Variants in PLEKHM3 observed in about 807,000 individuals in gnomAD.
The protein encoded by PLEKHM3 is pleckstrin homology domain containing M3, also known as pleckstrin homology domain-containing family M member 3.
PLEKHM3 carries 45 observed loss-of-function variants against 81.8 expected under a neutral mutation model. The ratio of observed to expected loss-of-function variants is 0.55; its 90% CI spans 0.43 to 0.71. PLEKHM3 has a LOEUF of 0.71. Ranked by LOEUF, PLEKHM3 falls within the 30% of genes least tolerant of loss-of-function variation. The pLI is 0.00. For missense variants in PLEKHM3, 788 were observed against 924.3 expected (o/e 0.85, Z 1.91); for synonymous variants, 352 against 356.4 (o/e 0.99, Z 0.14).
chr2:207,873,618 T>C (rs1276009739), intron 6 of PLEKHM3, among the ~76,000 whole-genome samples: 1 of 152,200 alleles, frequency 6.6e-6, no homozygotes, highest in African/African-American at 2.4e-5. Context: ...TCACCAGCTT[T>C]TTGTTCCCCT....
At chr2:207,899,482 T>C (rs557568731) in intron 6 of PLEKHM3, among the ~76,000 whole-genome samples, 3 of 152,322 alleles carry the variant, frequency 2.0e-5, no homozygotes, top group African/African-American at 4.8e-5. Context: ...ACATGGCTCC[T>C]GATACATAGT....
Position 207,955,863 on chromosome 2 carries a change from C to G in PLEKHM3, c.1547-9351G>C, listed in dbSNP as rs116699221. On this transcript the variant is annotated intron_variant, in intron 3 of 7. Coordinates refer to ENST00000427836, the MANE Select transcript of PLEKHM3 (RefSeq NM_001080475.3). ...GACATCACAGGCATTAGCATCACCTCTGAAGATGAAGGGTGAGGGGAAGAA... is the reference window on the plus strand; with the variant it reads ...GACATCACAGGCATTAGCATCACCTGTGAAGATGAAGGGTGAGGGGAAGAA... Among the ~76,000 whole-genome samples the G allele has an allele frequency of 3.2e-3, 492 of 152,308 alleles. 2 individuals are homozygous for G. Among genetic ancestry groups the G allele is most frequent in the Admixed American group, 6.0e-3 (91 of 15,292 alleles).
chr2:208,016,670 T>TACACACAC (rs370576889), intron 1 of PLEKHM3, among the ~76,000 whole-genome samples: 14 of 65,064 alleles, frequency 2.2e-4, no homozygotes, highest in African/African-American at 6.2e-4. Context: ...AAAAAAAAAA[T>TACACACAC]ACACACACAC....
At chr2:207,963,842 A>G (rs1690819967) in intron 3 of PLEKHM3, among the ~76,000 whole-genome samples, 1 of 152,208 alleles carries the variant, frequency 6.6e-6, no homozygotes, top group South Asian at 2.1e-4. Context: ...CATATTGAAC[A>G]TATATAGAAG....
chr2:207,984,918 C>T (rs1691665423), intron 2 of PLEKHM3, among the ~76,000 whole-genome samples: 1 of 151,100 alleles, frequency 6.6e-6, no homozygotes, highest in African/African-American at 2.4e-5. Flanking sequence ...CTGTCAACTG[C>T]TACTTGGACC....
intron 7 of PLEKHM3, among the ~76,000 whole-genome samples, chr2:207,857,591 T>C (rs1212395626): frequency 6.6e-6 from 1 of 152,248 alleles, no homozygotes; most frequent in Non-Finnish European, 1.5e-5. Context: ...TCAGTTTTGG[T>C]AATTTGTCTT....
rs145454542 is a variant in PLEKHM3 at position 208,022,573 on chromosome 2, G to T, written c.-319+2816C>A. On this transcript the variant is annotated intron_variant, in intron 1 of 7. Transcript: ENST00000427836. Reference sequence around the variant, plus strand: ...CTTTCTATGCTGGTTGTTAGCTGGGGCCACCCTCAGCAACTCTAGGCCTCC... The same window carrying T: ...CTTTCTATGCTGGTTGTTAGCTGGGTCCACCCTCAGCAACTCTAGGCCTCC... 5.8e-3 allele frequency among the ~76,000 whole-genome samples: 885 copies of T among 152,266 alleles called. 6 individuals are homozygous for T. Among genetic ancestry groups the T allele is most frequent in the African/African-American group, 0.02 (819 of 41,544 alleles).
chr2:207,953,825 A>C (rs1690416561), intron 3 of PLEKHM3, among the ~76,000 whole-genome samples: 1 of 77,344 alleles, frequency 1.3e-5, no homozygotes, highest in Admixed American at 1.2e-4. Flanking sequence ...CTCTGTCTAC[A>C]AAAAAAAAAA....
At chr2:207,848,365 GTTT>G (rs1241403527) in intron 7 of PLEKHM3, among the ~76,000 whole-genome samples, 2 of 152,136 alleles carry the variant, frequency 1.3e-5, no homozygotes, top group African/African-American at 2.4e-5. Flanking sequence ...GGGCTTGATG[GTTT>G]TTTTGGCAGG....
intron 6 of PLEKHM3, among the ~76,000 whole-genome samples, chr2:207,863,912 A>AT (rs1553545767): frequency 5.0e-4 from 37 of 73,606 alleles, no homozygotes; most frequent in Non-Finnish European, 1.3e-3. Context: ...AAAAGCAAAA[A>AT]AAATATATAT....
intron 5 of PLEKHM3, among the ~76,000 whole-genome samples, chr2:207,914,551 G>A (rs1688920910): frequency 6.6e-6 from 1 of 151,452 alleles, no homozygotes; most frequent in African/African-American, 2.4e-5. Flanking sequence ...GGGTGGTGGT[G>A]AATGCCTGTG....
At chr2:207,831,252 A>T (rs1294080304) in intron 7 of PLEKHM3, among the ~76,000 whole-genome samples, 2 of 152,290 alleles carry the variant, frequency 1.3e-5, no homozygotes, top group East Asian at 3.9e-4. Flanking sequence ...TGCCTAGATG[A>T]GAAAAGAGAC....
At chr2:207,947,804 A>G (rs937936194) in intron 3 of PLEKHM3, among the ~76,000 whole-genome samples, 6 of 152,240 alleles carry the variant, frequency 3.9e-5, no homozygotes, top group Admixed American at 3.3e-4. Context: ...GGTCAAATAC[A>G]TTTACTTAAC....
intron 6 of PLEKHM3, among the ~76,000 whole-genome samples, chr2:207,878,142 T>C (rs10179353): frequency 0.023 from 3,530 of 152,238 alleles, 148 homozygotes; most frequent in African/African-American, 0.08. Flanking sequence ...CTCCCTATAT[T>C]GCCCAGGCTG....
chr2:207,908,407 G>C, intron 6 of PLEKHM3, 107 bp downstream of exon 6: 3 of 1,041,394 alleles, frequency 2.9e-6, no homozygotes, highest in Non-Finnish European at 4.3e-6. Flanking sequence ...CAGGGTTTCT[G>C]ATGAAAACTA....
chr2:207,966,373 T>C (rs1690907748), intron 3 of PLEKHM3, among the ~76,000 whole-genome samples: 1 of 152,212 alleles, frequency 6.6e-6, no homozygotes, highest in South Asian at 2.1e-4. Flanking sequence ...CAATCCACTC[T>C]GCATATTTTT....
rs1312307878 is a variant in PLEKHM3, at chr2:208,016,383, AC to A, written c.-319+9005del. ...ATGCTGGCTAGGTGTGGTGGTTCAC[AC>A]CTATAATCCCAGCACTTTGGGGGGA... On this transcript the variant is annotated intron_variant, in intron 1 of 7. Transcript: ENST00000427836. Among the ~76,000 whole-genome samples the A allele has an allele frequency of 2.0e-5, 3 of 151,210 alleles. No individual in the cohort carries two copies. The East Asian group carries it at 5.9e-4, about 30-fold the overall frequency.
In PLEKHM3 at chr2:207,878,243, T is replaced by C. The variant is rs1367749222; in HGVS notation, c.1951-16981A>G. Reference sequence around the variant, plus strand: ...AGCCTTGCCCTAGGCTTTTAATTCATTGCCTCACTTATGATAATACATGCA... The same window carrying C: ...AGCCTTGCCCTAGGCTTTTAATTCACTGCCTCACTTATGATAATACATGCA... On this transcript the variant is annotated intron_variant, in intron 6 of 7. Coordinates refer to ENST00000427836, the MANE Select transcript of PLEKHM3 (RefSeq NM_001080475.3). Among the ~76,000 whole-genome samples the C allele has an allele frequency of 2.0e-5, 3 of 152,150 alleles. No homozygotes were observed. In the South Asian group the frequency reaches 6.2e-4, roughly 32 times the overall value.
chr2:207,994,413 G>A (rs1298641262), intron 2 of PLEKHM3, among the ~76,000 whole-genome samples: 2 of 152,094 alleles, frequency 1.3e-5, no homozygotes, highest in Non-Finnish European at 2.9e-5. Flanking sequence ...TGATGCAGAG[G>A]GAAAAGGGTT....
Sources: allele counts gnomAD v4.1 joint callset (sites outside exome capture counted in the v4.1 genomes callset), GRCh38; gene constraint gnomAD v4.1.1; transcripts MANE v1.5; gene names NCBI Gene and HGNC (gene_info 2026-07-23, HGNC 2026-07-21).